NLGN4X: variants seen among roughly 807,000 people sequenced by gnomAD.
NLGN4X encodes neuroligin-4, X-linked.
A neutral mutation model predicts 40.3 loss-of-function variants in NLGN4X; 3 were observed. The observed-to-expected ratio is 0.07, with a 90% CI of 0.03 to 0.19. NLGN4X has a LOEUF of 0.19. Among genes scored for constraint, NLGN4X ranks in the 10% least tolerant of loss-of-function variants. NLGN4X has a pLI of 1.00. For missense variants in NLGN4X, 382 were observed against 708.3 expected, an observed-to-expected ratio of 0.54 and a Z score of 5.23; for synonymous variants, 270 against 306.8, an observed-to-expected ratio of 0.88 and a Z score of 1.25.
intron 3 of NLGN4X, among the ~76,000 whole-genome samples, chrX:5,992,706 C>T (rs1051625060): frequency 1.8e-5 from 2 of 111,597 alleles, no homozygotes; most frequent in African/African-American, 6.5e-5. Flanking sequence ...CCTCAGGGAG[C>T]TTCCACTTAT....
intron 2 of NLGN4X, among the ~76,000 whole-genome samples, chrX:6,119,806 T>C (rs2039381442): frequency 9.0e-6 from 1 of 111,502 alleles, no homozygotes; most frequent in Non-Finnish European, 1.9e-5. Context: ...ACCTATGGGT[T>C]TGAAATGGCC....
rs759066236 is a variant in NLGN4X, at chrX:6,221,077, ATTAT to A, written c.-306+7460_-306+7463del. Reference sequence around the variant, plus strand: ...CATTGTACATTTTCTATTTTTATTTATTATTTATTTATTTATTTATTTATATTTT... The same window carrying A: ...CATTGTACATTTTCTATTTTTATTTATTATTTATTTATTTATTTATATTTT... On this transcript the variant is annotated intron_variant, in intron 1 of 5. Coordinates refer to ENST00000381095, the MANE Select transcript of NLGN4X (RefSeq NM_181332.3). Among the ~76,000 whole-genome samples the A allele has an allele frequency of 8.9e-3, 948 of 106,941 alleles. 5 individuals are homozygous for A. The highest frequency in any genetic ancestry group is 0.014 in the Non-Finnish European group (730 of 51,925). 92.9% of individuals were successfully genotyped at this position (106,941 alleles called of 115,157 possible).
chrX:6,103,059 A>C (rs1293582109), intron 2 of NLGN4X, among the ~76,000 whole-genome samples: 1 of 111,769 alleles, frequency 8.9e-6, no homozygotes, highest in African/African-American at 3.3e-5. Flanking sequence ...AAAGTATGCA[A>C]TGCTCAGCCC....
rs1200533144 is a variant in NLGN4X at position 6,149,063 on chromosome X, A to G, written c.472+1932T>C. ...TGCTTCAAAAAGCCTAAAGATCTAA[A>G]CAAGTGGAACTGGGTTTATTATGAA... On this transcript the variant is annotated intron_variant, in intron 2 of 5. Coordinates refer to ENST00000381095, the MANE Select transcript of NLGN4X (RefSeq NM_181332.3). 7.1e-5 allele frequency among the ~76,000 whole-genome samples: 8 copies of G among 112,382 alleles called. No homozygotes were observed. The South Asian group carries it at 1.8e-3, about 26-fold the overall frequency.
chrX:6,174,591 C>T (rs868735629), intron 1 of NLGN4X, among the ~76,000 whole-genome samples: 1 of 112,227 alleles, frequency 8.9e-6, no homozygotes, highest in East Asian at 2.8e-4. Flanking sequence ...TCCACATATG[C>T]ACTGTGGAAT....
chrX:5,973,234 T>A (rs894099240), intron 3 of NLGN4X, among the ~76,000 whole-genome samples: 1 of 112,318 alleles, frequency 8.9e-6, no homozygotes, highest in Admixed American at 9.4e-5. Flanking sequence ...CTTTTGTAAA[T>A]ACAGATTTAT....
chrX:5,898,299 T>C (rs866939413), intron 5 of NLGN4X, among the ~76,000 whole-genome samples: 18 of 81,441 alleles, frequency 2.2e-4, no homozygotes, highest in Non-Finnish European at 4.1e-4. Flanking sequence ...CCTCCTTTTC[T>C]TTTCCTCCCT....
At chrX:5,938,939 TTA>T (rs1000884760) in intron 3 of NLGN4X, among the ~76,000 whole-genome samples, 1 of 106,343 alleles carries the variant, frequency 9.4e-6, no homozygotes, top group African/African-American at 3.6e-5. Context: ...GCTACAGAGA[TTA>T]TGTGTGTTTG....
At chrX:6,078,288 G>C (rs367665451) in intron 2 of NLGN4X, among the ~76,000 whole-genome samples, 1 of 112,143 alleles carries the variant, frequency 8.9e-6, no homozygotes. Context: ...GTTTGCTATC[G>C]TATCTTCAGA....
chrX:6,068,470 G>A (rs956272913), intron 2 of NLGN4X, among the ~76,000 whole-genome samples: 5 of 111,373 alleles, frequency 4.5e-5, no homozygotes, highest in Non-Finnish European at 7.5e-5. Flanking sequence ...TATGCCTGAC[G>A]TTCCCTCCAC....
At chrX:6,100,668 CAGAT>C (rs750539472) in intron 2 of NLGN4X, among the ~76,000 whole-genome samples, 3 of 111,577 alleles carry the variant, frequency 2.7e-5, no homozygotes, top group African/African-American at 9.8e-5. Context: ...GAGGACAATA[CAGAT>C]AGAGAAACAG....
Position 5,892,644 on chromosome X carries a change from G to A in NLGN4X, c.*173C>T, listed in dbSNP as rs1301688757. ...AATACTGGAAAACACCAACGATAAG[G>A]GTCTGCCGGGATGGGATGACTGCCT... On this transcript the variant is annotated 3_prime_UTR_variant, in exon 6 of 6. Transcript: ENST00000381095. The A allele has an allele frequency of 6.9e-6, 4 of 579,912 alleles. No homozygotes were observed. The East Asian group carries it at 1.5e-4, about 21-fold the overall frequency. 47.8% of individuals were successfully genotyped at this position (579,912 alleles called of 1,213,427 possible).
intron 1 of NLGN4X, among the ~76,000 whole-genome samples, chrX:6,160,501 A>T (rs1483165977): frequency 9.2e-6 from 1 of 108,682 alleles, no homozygotes; most frequent in Admixed American, 1.0e-4. Context: ...TTGTACTTTA[A>T]CTTATCATAT....
chrX:6,052,689 C>T (rs2037522692), intron 2 of NLGN4X, among the ~76,000 whole-genome samples: 1 of 112,228 alleles, frequency 8.9e-6, no homozygotes, highest in Non-Finnish European at 1.9e-5. Flanking sequence ...CCTTTCCCAA[C>T]TGTTTTTGTT....
chrX:6,063,530 C>A (rs1355456239), intron 2 of NLGN4X, among the ~76,000 whole-genome samples: 1 of 111,646 alleles, frequency 9.0e-6, no homozygotes, highest in Non-Finnish European at 1.9e-5. Flanking sequence ...TTCCATCCAC[C>A]TATAGAATAT....
At chrX:6,223,319 T>C (rs751530786) in intron 1 of NLGN4X, among the ~76,000 whole-genome samples, 2 of 111,071 alleles carry the variant, frequency 1.8e-5, no homozygotes, top group Admixed American at 9.6e-5. Flanking sequence ...GAACACGAGA[T>C]GTCTAAAGTT....
intron 2 of NLGN4X, among the ~76,000 whole-genome samples, chrX:6,116,844 G>C (rs1158232824): frequency 1.8e-5 from 2 of 110,925 alleles, no homozygotes; most frequent in Non-Finnish European, 3.8e-5. Context: ...GCTTTTAAGT[G>C]CCAAGAAGCT....
chrX:5,960,091 G>C (rs1323984613), intron 3 of NLGN4X, among the ~76,000 whole-genome samples: 1 of 111,235 alleles, frequency 9.0e-6, no homozygotes, highest in Non-Finnish European at 1.9e-5. Context: ...CAGTGTTGTC[G>C]ATAAGTGTTC....
intron 3 of NLGN4X, among the ~76,000 whole-genome samples, chrX:6,004,321 A>T (rs1602047157): frequency 8.9e-6 from 1 of 112,308 alleles, no homozygotes; most frequent in East Asian, 2.8e-4. Context: ...ATTAATTACG[A>T]ATTTTGTGTT....
Sources: allele counts gnomAD v4.1 joint callset (sites outside exome capture counted in the v4.1 genomes callset), GRCh38; gene constraint gnomAD v4.1.1; transcripts MANE v1.5; gene names NCBI Gene and HGNC (gene_info 2026-07-23, HGNC 2026-07-21).